COPS4: variants seen among roughly 807,000 people sequenced by gnomAD.
COPS4 encodes COP9 signalosome complex subunit 4.
COPS4 carries 8 observed loss-of-function variants against 55.1 expected under a neutral mutation model. That is an observed-to-expected ratio of 0.15 (90% CI 0.09 to 0.26). COPS4 has a LOEUF of 0.26. Among genes scored for constraint, COPS4 ranks in the 10% least tolerant of loss-of-function variants. The pLI, the probability that COPS4 is intolerant of heterozygous loss-of-function variation, is 1.00. For missense variants in COPS4, 248 were observed against 484.0 expected (o/e 0.51, Z 4.58); for synonymous variants, 185 against 165.7 (o/e 1.12, Z -0.90).
Position 83,035,269 on chromosome 4 carries a change from G to C in COPS4, c.45G>C (p.Ser15=). ...AGGATTTGGCCCAGCTCATGAATTC[G>C]AGCGGCTCTCATAAAGATCTGGCTG... ...VRQDLAQLMN[S]SGSHKDLAGK... Residue 15 remains serine (S), a synonymous_variant, in exon 1 of 10, where the codon TCG becomes TCC. Transcript: ENST00000264389. The C allele has an allele frequency of 6.4e-7, 1 of 1,570,152 alleles. No individual in the cohort carries two copies. Among genetic ancestry groups the C allele is most frequent in the South Asian group, 1.1e-5 (1 of 89,864 alleles).
chr4:83,040,890 A>C (rs996149538), intron 1 of COPS4, among the ~76,000 whole-genome samples: 2 of 150,718 alleles, frequency 1.3e-5, no homozygotes, highest in African/African-American at 4.9e-5. Flanking sequence ...GTACATTTTC[A>C]TGCTTTATTT....
chr4:83,035,547 T>C (rs6535428), intron 1 of COPS4: 342,203 of 345,030 alleles, frequency 0.99, 169,761 homozygotes, highest in East Asian at 1. Context: ...TGATAGAATC[T>C]TTCTGGTCCC....
Position 83,035,216 on chromosome 4 carries a change from G to T in COPS4, c.-9G>T. The T allele has an allele frequency of 1.9e-6, 3 of 1,561,252 alleles. No individual in the cohort carries two copies. Among genetic ancestry groups the T allele is most frequent in the Non-Finnish European group, 2.6e-6 (3 of 1,146,422 alleles). On this transcript the variant is annotated 5_prime_UTR_variant, in exon 1 of 10. Coordinates refer to ENST00000264389, the MANE Select transcript of COPS4 (RefSeq NM_016129.3). ...AGGCCCCCGCATCCACCGCTGAGCT[G>T]GGAGAAAGATGGCGGCAGCCGTGCG...
At chr4:83,060,263 A>G (rs2126132473) in intron 6 of COPS4, among the ~76,000 whole-genome samples, 2 of 148,582 alleles carry the variant, frequency 1.3e-5, no homozygotes, top group South Asian at 4.3e-4. Flanking sequence ...GGCTCACTGC[A>G]AGCTCCGCCT....
At chr4:83,066,151 CA>C (rs992480413) in intron 7 of COPS4, among the ~76,000 whole-genome samples, 3 of 146,556 alleles carry the variant, frequency 2.0e-5, no homozygotes, top group Admixed American at 6.8e-5. Context: ...AACTCTGTCT[CA>C]AAAAAAAAAG....
At chr4:83,063,640 C>T (rs1364895265) in intron 7 of COPS4, among the ~76,000 whole-genome samples, 2 of 151,356 alleles carry the variant, frequency 1.3e-5, no homozygotes, top group Non-Finnish European at 2.9e-5. Context: ...ATCTCCTGAC[C>T]TCGTGATCCG....
At chr4:83,053,698 G>A (rs912550226) in intron 4 of COPS4, among the ~76,000 whole-genome samples, 2 of 151,800 alleles carry the variant, frequency 1.3e-5, no homozygotes, top group South Asian at 2.1e-4. Flanking sequence ...AAAATTAGCC[G>A]GTGTGGTCTC....
intron 1 of COPS4, among the ~76,000 whole-genome samples, chr4:83,036,268 C>T (rs1172767751): frequency 4.4e-5 from 6 of 135,622 alleles, no homozygotes; most frequent in Non-Finnish European, 8.0e-5. Flanking sequence ...ACCCCCCCCC[C>T]CGCCGCCACC....
chr4:83,045,931 G>T (rs1730699640), intron 2 of COPS4, among the ~76,000 whole-genome samples: 1 of 152,100 alleles, frequency 6.6e-6, no homozygotes, highest in Admixed American at 6.6e-5. Context: ...GCTGATAAGG[G>T]ACAATATAGC....
intron 4 of COPS4, among the ~76,000 whole-genome samples, chr4:83,055,976 C>T (rs1275797116): frequency 9.5e-5 from 14 of 147,570 alleles, no homozygotes; most frequent in African/African-American, 3.3e-4. Context: ...TCACCCAGGC[C>T]GGAGTGCAAT....
chr4:83,059,177 A>G (rs1347367053), intron 6 of COPS4, among the ~76,000 whole-genome samples: 1 of 151,962 alleles, frequency 6.6e-6, no homozygotes, highest in Admixed American at 6.6e-5. Flanking sequence ...ATATGAAGGA[A>G]AATTAAAATT....
chr4:83,047,813 A>G (rs1205873455), intron 2 of COPS4, among the ~76,000 whole-genome samples: 1 of 152,110 alleles, frequency 6.6e-6, no homozygotes, highest in Non-Finnish European at 1.5e-5. Flanking sequence ...ATTTTGGCTA[A>G]CACGGTGAAA....
chr4:83,047,414 G>C (rs1019173096), intron 2 of COPS4, among the ~76,000 whole-genome samples: 5 of 134,684 alleles, frequency 3.7e-5, no homozygotes, highest in African/African-American at 1.1e-4. Context: ...AATTAGCCTG[G>C]CGTGGTGATG....
chr4:83,035,201 A>C lies in COPS4; in HGVS notation c.-24A>C, dbSNP rs1002193968. ...CTTTTTGGCTGCCAGAGGCCCCCGC[A>C]TCCACCGCTGAGCTGGGAGAAAGAT... On this transcript the variant is annotated 5_prime_UTR_variant, in exon 1 of 10. Transcript: ENST00000264389. The C allele has an allele frequency of 6.5e-7, 1 of 1,545,472 alleles. No homozygotes were observed. Among genetic ancestry groups the C allele is most frequent in the Admixed American group, 1.7e-5 (1 of 57,554 alleles).
chr4:83,054,691 T>G (rs1456805019), intron 4 of COPS4, among the ~76,000 whole-genome samples: 1 of 152,236 alleles, frequency 6.6e-6, no homozygotes, highest in Non-Finnish European at 1.5e-5. Context: ...ATTGATTTAT[T>G]TTCAGTGGTA....
chr4:83,037,584 A>C (rs1730459526), intron 1 of COPS4, among the ~76,000 whole-genome samples: 1 of 152,208 alleles, frequency 6.6e-6, no homozygotes, highest in Non-Finnish European at 1.5e-5. Context: ...TTATCCTTAC[A>C]ACAACATCAG....
intron 4 of COPS4, among the ~76,000 whole-genome samples, chr4:83,054,747 A>C (rs1375403094): frequency 6.6e-6 from 1 of 152,212 alleles, no homozygotes; most frequent in East Asian, 1.9e-4. Context: ...CAGTGGTCAT[A>C]ATTATCATTT....
intron 2 of COPS4, among the ~76,000 whole-genome samples, chr4:83,047,898 G>T (rs111982237): frequency 6.6e-6 from 1 of 152,098 alleles, no homozygotes; most frequent in Admixed American, 6.6e-5. Flanking sequence ...CTACTCAGGA[G>T]GCTGAGGCAG....
intron 6 of COPS4, among the ~76,000 whole-genome samples, chr4:83,060,640 A>G (rs1361158285): frequency 6.6e-6 from 1 of 151,904 alleles, no homozygotes; most frequent in Non-Finnish European, 1.5e-5. Context: ...ATTAGTTGCA[A>G]TGTGGAATCT....
Sources: allele counts gnomAD v4.1 joint callset (sites outside exome capture counted in the v4.1 genomes callset), GRCh38; gene constraint gnomAD v4.1.1; transcripts MANE v1.5; gene names NCBI Gene and HGNC (gene_info 2026-07-23, HGNC 2026-07-21).